TMEM132D: variants seen among roughly 807,000 people sequenced by gnomAD.
TMEM132D encodes the protein transmembrane protein 132D.
TMEM132D carries 21 observed loss-of-function variants against 62.3 expected under a neutral mutation model. That is an observed-to-expected ratio of 0.34 (90% CI 0.24 to 0.49). The LOEUF (loss-of-function observed/expected upper bound fraction) is 0.49, where lower values mean the gene tolerates loss of function less well. TMEM132D is among the 20% of genes least tolerant of loss of function. TMEM132D has a pLI of 0.99. For synonymous variants in TMEM132D, 621 were observed against 575.6 expected (o/e 1.08, Z -1.13); for missense variants, 1,346 against 1,402.8 (o/e 0.96, Z 0.65).
chr12:129,376,587 T>C (rs1339140746), intron 3 of TMEM132D, among the ~76,000 whole-genome samples: 1 of 152,182 alleles, frequency 6.6e-6, no homozygotes, highest in Non-Finnish European at 1.5e-5. Flanking sequence ...ATTTGTAAGC[T>C]TAAGCCCTAA....
At chr12:129,244,828 A>G (rs1177462942) in intron 4 of TMEM132D, among the ~76,000 whole-genome samples, 4 of 151,906 alleles carry the variant, frequency 2.6e-5, no homozygotes, top group African/African-American at 9.7e-5. Context: ...TTTAGTAGAG[A>G]TGGGGCTTCA....
chr12:129,571,822 AT>A (rs1263433519), intron 2 of TMEM132D, among the ~76,000 whole-genome samples: 3 of 151,964 alleles, frequency 2.0e-5, no homozygotes, highest in South Asian at 2.1e-4. Context: ...ATATTTAGGG[AT>A]TTTTTTTAAA....
At chr12:129,542,484 GA>G (rs1326488466) in intron 2 of TMEM132D, among the ~76,000 whole-genome samples, 1 of 152,052 alleles carries the variant, frequency 6.6e-6, no homozygotes, top group Non-Finnish European at 1.5e-5. Context: ...ATTTTTCATT[GA>G]AAAATGGTAT....
At chr12:129,340,755 T>A (rs939305132) in intron 3 of TMEM132D, among the ~76,000 whole-genome samples, 1 of 152,224 alleles carries the variant, frequency 6.6e-6, no homozygotes, top group Non-Finnish European at 1.5e-5. Context: ...ACCCAAAGGA[T>A]TATAAAACAT....
intron 1 of TMEM132D, among the ~76,000 whole-genome samples, chr12:129,835,204 G>T (rs919951445): frequency 6.6e-6 from 1 of 152,152 alleles, no homozygotes; most frequent in Non-Finnish European, 1.5e-5. Flanking sequence ...CAAGGAAAGG[G>T]CTTTGCTGGG....
At chr12:129,195,961 T>C (rs1321895656) in intron 5 of TMEM132D, among the ~76,000 whole-genome samples, 3 of 151,992 alleles carry the variant, frequency 2.0e-5, no homozygotes, top group Non-Finnish European at 4.4e-5. Context: ...ACCCCATCTC[T>C]ACCAAAAATA....
intron 4 of TMEM132D, among the ~76,000 whole-genome samples, chr12:129,307,691 C>T (rs186659146): frequency 6.6e-6 from 1 of 152,078 alleles, no homozygotes; most frequent in Non-Finnish European, 1.5e-5. Context: ...TGATCACTTC[C>T]TTGTTGCTGT....
chr12:129,577,786 G>C (rs944139859), intron 2 of TMEM132D, among the ~76,000 whole-genome samples: 3 of 152,120 alleles, frequency 2.0e-5, no homozygotes, highest in African/African-American at 7.2e-5. Context: ...AAACTCTGTT[G>C]TTCAAAGGTC....
chr12:129,228,271 C>A (rs547075671), intron 4 of TMEM132D, among the ~76,000 whole-genome samples: 16 of 152,206 alleles, frequency 1.1e-4, no homozygotes, highest in Non-Finnish European at 2.4e-4. Flanking sequence ...GCTGGTTTTG[C>A]GTGCTGAAAA....
At chr12:129,207,967 T>C (rs185543726) in intron 5 of TMEM132D, among the ~76,000 whole-genome samples, 48 of 152,320 alleles carry the variant, frequency 3.2e-4, no homozygotes, top group Middle Eastern at 3.4e-3. Flanking sequence ...TTGTAAACTG[T>C]CATCACCCAA....
chr12:129,610,334 T>C (rs536567252), intron 2 of TMEM132D, among the ~76,000 whole-genome samples: 1 of 151,868 alleles, frequency 6.6e-6, no homozygotes, highest in Non-Finnish European at 1.5e-5. Context: ...CATTATTGAA[T>C]TGATTGAATT....
intron 3 of TMEM132D, among the ~76,000 whole-genome samples, chr12:129,345,984 T>C (rs1869673001): frequency 6.6e-6 from 1 of 152,200 alleles, no homozygotes; most frequent in Admixed American, 6.5e-5. Context: ...CCTCTTTTTC[T>C]GCTGTTTGGA....
At chr12:129,251,494 G>A (rs976851786) in intron 4 of TMEM132D, among the ~76,000 whole-genome samples, 7 of 151,904 alleles carry the variant, frequency 4.6e-5, no homozygotes, top group Non-Finnish European at 1.0e-4. Context: ...AAACTCTAAA[G>A]TGTTCCTGTT....
intron 2 of TMEM132D, among the ~76,000 whole-genome samples, chr12:129,551,762 G>C (rs557151737): frequency 1.3e-5 from 2 of 152,150 alleles, no homozygotes; most frequent in African/African-American, 4.8e-5. Context: ...GAAGGTCATA[G>C]AGTTGGGAAC....
At chr12:129,180,247 C>A (rs1358216021) in intron 5 of TMEM132D, among the ~76,000 whole-genome samples, 1 of 149,624 alleles carries the variant, frequency 6.7e-6, no homozygotes, top group Non-Finnish European at 1.5e-5. Flanking sequence ...AAGCAGTCTG[C>A]ACTTCATATT....
intron 1 of TMEM132D, among the ~76,000 whole-genome samples, chr12:129,890,511 T>C (rs188155558): frequency 1.6e-4 from 24 of 152,340 alleles, no homozygotes; most frequent in Admixed American, 5.9e-4. Flanking sequence ...TCCTATGCTC[T>C]AATAAAACTG....
chr12:129,430,472 T>C (rs1172697448), intron 3 of TMEM132D, among the ~76,000 whole-genome samples: 4 of 152,216 alleles, frequency 2.6e-5, no homozygotes, highest in Non-Finnish European at 5.9e-5. Context: ...ATTCTGCATA[T>C]TAGCCCTTTG....
At chr12:129,745,408 T>A (rs1003381152) in intron 1 of TMEM132D, among the ~76,000 whole-genome samples, 1 of 152,184 alleles carries the variant, frequency 6.6e-6, no homozygotes, top group Non-Finnish European at 1.5e-5. Context: ...ATCAGAGATC[T>A]GGGGGGTTGA....
chr12:129,504,763 G>A (rs10773670), intron 3 of TMEM132D, among the ~76,000 whole-genome samples: 63,662 of 151,742 alleles, frequency 0.42, 14,779 homozygotes, highest in Non-Finnish European at 0.52. Flanking sequence ...TGCTGGGTTT[G>A]GGTTTGTTCT....
Sources: gnomAD v4.1 joint callset for allele counts (sites outside exome capture counted in the v4.1 genomes callset) on GRCh38, gnomAD v4.1.1 for gene constraint, MANE v1.5 for transcripts, NCBI Gene and HGNC (gene_info 2026-07-23, HGNC 2026-07-21) for gene names.